Variants in ACCSL observed in about 807,000 individuals in gnomAD.
The protein encoded by ACCSL is probable inactive 1-aminocyclopropane-1-carboxylate synthase-like protein 2.
In ACCSL, 55 loss-of-function variants were observed where a neutral mutation model predicts 61.7. The ratio of observed to expected loss-of-function variants is 0.89; its 90% confidence interval spans 0.72 to 1.12. ACCSL has a LOEUF of 1.12. Ranked by LOEUF, ACCSL falls within the 50% of genes most tolerant of loss-of-function variation. The pLI is 0.00. For synonymous variants in ACCSL, 258 were observed against 264.3 expected (o/e 0.98, Z 0.23); for missense variants, 632 against 698.0 (o/e 0.91, Z 1.07).
the ACCSL span, among the ~76,000 whole-genome samples, chr11:43,976,670 G>A: frequency 1.3e-5 from 2 of 152,188 alleles, no homozygotes; most frequent in Non-Finnish European, 2.9e-5. Context: ...TTCTGTGGAA[G>A]GGGAAGGCAC....
the ACCSL span, among the ~76,000 whole-genome samples, chr11:43,986,036 C>T: frequency 1.2e-4 from 15 of 126,578 alleles, no homozygotes; most frequent in East Asian, 2.1e-3. Flanking sequence ...CATCCAAAGC[C>T]GAGCATTCCA....
At chr11:44,010,169 C>T in the ACCSL span, among the ~76,000 whole-genome samples, 1 of 151,970 alleles carries the variant, frequency 6.6e-6, no homozygotes, top group Admixed American at 6.6e-5. Flanking sequence ...GGAGAAACCC[C>T]GTCTCTACTA....
At chr11:44,053,338 T>C (rs1590430917) in intron 7 of ACCSL, 68 bp from the exon 8 acceptor site, 1 of 1,515,828 alleles carries the variant, frequency 6.6e-7, no homozygotes, top group East Asian at 2.3e-5. Flanking sequence ...CTATAAAAGA[T>C]CCTTGGCTGA....
At chr11:43,997,655 C>T in the ACCSL span, among the ~76,000 whole-genome samples, 1 of 152,186 alleles carries the variant, frequency 6.6e-6, no homozygotes, top group South Asian at 2.1e-4. Context: ...GTGTGTGAAA[C>T]ACCTTGAGAT....
At chr11:43,923,959 C>T in the ACCSL span, among the ~76,000 whole-genome samples, 1 of 152,180 alleles carries the variant, frequency 6.6e-6, no homozygotes, top group Admixed American at 6.5e-5. Flanking sequence ...ATGTCACGCT[C>T]TCTCAGCACA....
At chr11:43,979,843 T>C in the ACCSL span, among the ~76,000 whole-genome samples, 1 of 112,092 alleles carries the variant, frequency 8.9e-6, no homozygotes, top group African/African-American at 3.9e-5. Context: ...CAAGACTCTG[T>C]CTCAAAAAAA....
chr11:44,047,526 T>C (rs1303748046), upstream of ACCSL, among the ~76,000 whole-genome samples: 1 of 152,146 alleles, frequency 6.6e-6, no homozygotes, highest in East Asian at 1.9e-4. Flanking sequence ...AAGACATAAA[T>C]AAATGAATGG....
At chr11:43,940,243 G>T in the ACCSL span, among the ~76,000 whole-genome samples, 1 of 152,060 alleles carries the variant, frequency 6.6e-6, no homozygotes, top group African/African-American at 2.4e-5. Context: ...GCTTCCCAAA[G>T]TGTTGGGATT....
the ACCSL span, among the ~76,000 whole-genome samples, chr11:43,934,557 C>T: frequency 3.9e-5 from 6 of 151,980 alleles, no homozygotes; most frequent in East Asian, 1.2e-3. Flanking sequence ...CCAAACAGTA[C>T]CACCTGGAAT....
chr11:44,002,243 G>A, the ACCSL span, among the ~76,000 whole-genome samples: 31 of 152,154 alleles, frequency 2.0e-4, no homozygotes, highest in Non-Finnish European at 2.4e-4. Flanking sequence ...GTTTGAGAGC[G>A]CGCCTCCCCA....
intron 1 of ACCSL, 99 bp downstream of exon 1, chr11:44,048,639 T>G (rs1185227710): frequency 2.5e-6 from 3 of 1,190,280 alleles, no homozygotes; most frequent in Non-Finnish European, 3.5e-6. Flanking sequence ...TCTCATTCTT[T>G]ATAGCCTTAT....
chr11:44,002,149 G>A, the ACCSL span, among the ~76,000 whole-genome samples: 3 of 152,112 alleles, frequency 2.0e-5, no homozygotes. Flanking sequence ...GAGCCAAGGT[G>A]AAACAGGTCC....
the ACCSL span, among the ~76,000 whole-genome samples, chr11:43,953,745 C>G: frequency 1.3e-5 from 2 of 152,286 alleles, no homozygotes; most frequent in Admixed American, 1.3e-4. Flanking sequence ...AAGCCCTGAA[C>G]TCTGAGAATT....
intron 1 of ACCSL, among the ~76,000 whole-genome samples, chr11:44,049,344 C>T (rs980065901): frequency 5.5e-5 from 8 of 144,280 alleles, no homozygotes; most frequent in Admixed American, 1.4e-4. Flanking sequence ...CACTTGACCC[C>T]GGCAGCTGGA....
At chr11:43,988,679 C>G in the ACCSL span, among the ~76,000 whole-genome samples, 1 of 152,056 alleles carries the variant, frequency 6.6e-6, no homozygotes, top group East Asian at 1.9e-4. Flanking sequence ...CTTAAGCAAG[C>G]AGGCCACTCG....
At chr11:43,946,535 T>C in the ACCSL span, among the ~76,000 whole-genome samples, 2 of 152,350 alleles carry the variant, frequency 1.3e-5, no homozygotes, top group Non-Finnish European at 2.9e-5. Context: ...TGCCTATATA[T>C]GCATGTTTAT....
chr11:43,922,694 T>G, the ACCSL span, among the ~76,000 whole-genome samples: 2 of 152,214 alleles, frequency 1.3e-5, no homozygotes, highest in Non-Finnish European at 2.9e-5. Flanking sequence ...TTCAGAGATA[T>G]GAAACTTTTA....
chr11:43,952,008 G>GA, the ACCSL span, among the ~76,000 whole-genome samples: 111 of 141,246 alleles, frequency 7.9e-4, no homozygotes, highest in African/African-American at 2.3e-3. Flanking sequence ...TTCAGAAAAA[G>GA]AAAAAAAAAA....
chr11:43,978,830 A>G, the ACCSL span, among the ~76,000 whole-genome samples: 1 of 120,610 alleles, frequency 8.3e-6, no homozygotes, highest in Non-Finnish European at 1.6e-5. Context: ...TAAAAGGGAG[A>G]ACTGTTCCTC....
Sources: allele counts gnomAD v4.1 joint callset (sites outside exome capture counted in the v4.1 genomes callset), GRCh38; gene constraint gnomAD v4.1.1; transcripts MANE v1.5; gene names NCBI Gene and HGNC (gene_info 2026-07-23, HGNC 2026-07-21).